The following SIM1 variants were observed in gnomAD, a reference collection of about 807,000 sequenced individuals.
SIM1 encodes the protein single-minded homolog 1.
A neutral mutation model predicts 78.2 loss-of-function variants in SIM1; 18 were observed. That is an observed-to-expected ratio of 0.23 (90% CI 0.16 to 0.34). The LOEUF is 0.34. Ranked by LOEUF, SIM1 falls within the 10% of genes least tolerant of loss-of-function variation. The pLI is 1.00. For missense variants in SIM1, 939 were observed against 975.1 expected (o/e 0.96, Z 0.49); for synonymous variants, 417 against 385.2 (o/e 1.08, Z -0.97).
At chr6:100,421,015 A>T in intron 9 of SIM1, 57 bp from the exon 10 acceptor site, 1 of 1,546,870 alleles carries the variant, frequency 6.5e-7, no homozygotes, top group Non-Finnish European at 8.8e-7. Flanking sequence ...GGATTCATGC[A>T]TACTCTCATC....
intron 10 of SIM1, among the ~76,000 whole-genome samples, chr6:100,403,587 C>T (rs935444476): frequency 6.6e-6 from 1 of 152,104 alleles, no homozygotes; most frequent in Non-Finnish European, 1.5e-5. Flanking sequence ...CTTTAATACA[C>T]TTTAGAAAAG....
At chr6:100,422,257 G>A (rs980201243) in intron 9 of SIM1, among the ~76,000 whole-genome samples, 1 of 152,088 alleles carries the variant, frequency 6.6e-6, no homozygotes, top group Non-Finnish European at 1.5e-5. Context: ...AGGCTGGAGT[G>A]CAGTGGCATG....
At chr6:100,458,699 G>C (rs191818779) in intron 2 of SIM1, among the ~76,000 whole-genome samples, 1 of 152,166 alleles carries the variant, frequency 6.6e-6, no homozygotes, top group Non-Finnish European at 1.5e-5. Flanking sequence ...CGTGCTTCGG[G>C]CGGTGCGGGA....
chr6:100,452,373 G>C (rs146200018), intron 3 of SIM1, among the ~76,000 whole-genome samples: 1 of 152,330 alleles, frequency 6.6e-6, no homozygotes, highest in Non-Finnish European at 1.5e-5. Flanking sequence ...AACTCCATGA[G>C]AGCAGGGCTT....
chr6:100,390,800 C>A lies in SIM1; in HGVS notation c.1862G>T (p.Gly621Val). 4.3e-6 allele frequency: 7 copies of A among 1,614,112 alleles called. No homozygotes were observed. Among genetic ancestry groups the A allele is most frequent in the Non-Finnish European group, 5.9e-6 (7 of 1,180,012 alleles). The change falls in exon 12 of 12, where the codon GGC becomes GTC. Residue 621 changes from glycine to valine, a missense_variant. This residue lies in a region of SIM1 where 556 missense variants were observed against 521.9 expected (regional missense o/e 1.07). Transcript: ENST00000369208. ...TGGTGAAGTGTTGGCAAGAGCAGAG[C>A]CATGGCAGACTTCACCTGTTGGTGG... ...QPPPTGEVCHGSALANTSPCD... is the reference protein window; with the variant it reads ...QPPPTGEVCHVSALANTSPCD...
At chr6:100,409,488 ACT>A (rs1771138819) in intron 10 of SIM1, among the ~76,000 whole-genome samples, 1 of 151,934 alleles carries the variant, frequency 6.6e-6, no homozygotes, top group Non-Finnish European at 1.5e-5. Flanking sequence ...CAAAAAACCA[ACT>A]CTTACTTCTG....
intron 10 of SIM1, among the ~76,000 whole-genome samples, chr6:100,402,478 G>A (rs984426621): frequency 1.3e-5 from 2 of 151,686 alleles, no homozygotes; most frequent in Non-Finnish European, 2.9e-5. Context: ...TGGCGAGGAG[G>A]GAGAATCATG....
chr6:100,443,610 T>G (rs778394329), intron 9 of SIM1, among the ~76,000 whole-genome samples: 4 of 152,116 alleles, frequency 2.6e-5, no homozygotes, highest in Non-Finnish European at 2.9e-5. Context: ...CGAACATTAG[T>G]GGCAGATTGT....
chr6:100,453,172 G>T (rs1017338821), intron 3 of SIM1, among the ~76,000 whole-genome samples: 5 of 152,178 alleles, frequency 3.3e-5, no homozygotes, highest in Admixed American at 6.5e-5. Flanking sequence ...GCCTAGCATT[G>T]GTTAAACTCA....
chr6:100,445,223 TTCG>T (rs1772325780), intron 9 of SIM1, among the ~76,000 whole-genome samples: 3 of 152,182 alleles, frequency 2.0e-5, no homozygotes, highest in Admixed American at 2.0e-4. Context: ...TTGATGACAT[TTCG>T]TCTAAAGCAA....
chr6:100,450,765 C>T (rs886286193), intron 3 of SIM1, among the ~76,000 whole-genome samples: 2 of 147,894 alleles, frequency 1.4e-5, no homozygotes, highest in African/African-American at 5.0e-5. Context: ...CCTATGTGTT[C>T]TATAATGGAA....
rs370131720 is a variant in SIM1, at chr6:100,393,839, C to G, written c.1218G>C (p.Trp406Cys). ...ERSESDHDSQWGGSPLTDTAS... is the reference protein window; with the variant it reads ...ERSESDHDSQCGGSPLTDTAS... ...CCGTGTCGGTCAAGGGACTTCCGCCCCACTGGCTGTCATGATCAGATTCCG... is the reference window on the plus strand; with the variant it reads ...CCGTGTCGGTCAAGGGACTTCCGCCGCACTGGCTGTCATGATCAGATTCCG... Residue 406 changes from tryptophan (W) to cysteine (C), a missense_variant, in exon 11 of 12, where the codon TGG (tryptophan) becomes TGC (cysteine). Physicochemically the swap from Trp to Cys is radical, Grantham distance 215 (BLOSUM62 -2). This residue lies in a region of SIM1 where 556 missense variants were observed against 521.9 expected (regional missense o/e 1.07). Coordinates refer to ENST00000369208, the MANE Select transcript of SIM1 (RefSeq NM_005068.3). 1.3e-5 allele frequency: 21 copies of G among 1,604,418 alleles called. No homozygotes were observed. Among genetic ancestry groups the G allele is most frequent in the Non-Finnish European group, 1.8e-5 (21 of 1,173,838 alleles).
At chr6:100,461,885 A>G (rs1244487334) in intron 2 of SIM1, among the ~76,000 whole-genome samples, 2 of 38,608 alleles carry the variant, frequency 5.2e-5, no homozygotes, top group Non-Finnish European at 1.1e-4. Flanking sequence ...TTAGGCTTTC[A>G]TTTCTTTTTT....
chr6:100,431,405 T>C (rs1771895456), intron 9 of SIM1, among the ~76,000 whole-genome samples: 2 of 152,198 alleles, frequency 1.3e-5, no homozygotes, highest in South Asian at 4.1e-4. Context: ...TGGCTAAATA[T>C]ACATTAAACT....
chr6:100,438,879 A>T (rs566435746), intron 9 of SIM1, among the ~76,000 whole-genome samples: 2 of 152,194 alleles, frequency 1.3e-5, no homozygotes, highest in African/African-American at 2.4e-5. Flanking sequence ...CAAATATCAT[A>T]TGTTCTCAGT....
intron 2 of SIM1, among the ~76,000 whole-genome samples, chr6:100,459,241 A>G (rs1381484468): frequency 6.6e-6 from 1 of 152,202 alleles, no homozygotes. Context: ...TGTTTTTATT[A>G]GTGATCCCTC....
Position 100,442,737 on chromosome 6 carries a change from T to A in SIM1, c.998+4531A>T, listed in dbSNP as rs181229023. Among the ~76,000 whole-genome samples, 889 of 152,172 alleles carry A rather than the reference T, an allele frequency of 5.8e-3. 6 individuals are homozygous for A. The highest frequency in any genetic ancestry group is 0.02 in the African/African-American group (822 of 41,534). ...ATATATGTTATTGGTCAAGTTTTTT[T>A]AAAGCATTCTCTAAAAACTCCTAGT... On this transcript the variant is annotated intron_variant, in intron 9 of 11. Coordinates refer to ENST00000369208, the MANE Select transcript of SIM1 (RefSeq NM_005068.3).
At chr6:100,436,151 G>A (rs1008537192) in intron 9 of SIM1, among the ~76,000 whole-genome samples, 1 of 152,094 alleles carries the variant, frequency 6.6e-6, no homozygotes, top group Non-Finnish European at 1.5e-5. Context: ...GGTGCTTTAG[G>A]CCCTCTTCCT....
In SIM1 at chr6:100,426,899, A is replaced by T. The variant is rs79320728; in HGVS notation, c.999-5941T>A. Reference sequence around the variant, plus strand: ...GGTTGCCAGATTTCCCGATTGAGCTATTTTTTTAAACAGCTGAAGGTGATC... The same window carrying T: ...GGTTGCCAGATTTCCCGATTGAGCTTTTTTTTTAAACAGCTGAAGGTGATC... On this transcript the variant is annotated intron_variant, in intron 9 of 11. Coordinates refer to ENST00000369208, the MANE Select transcript of SIM1 (RefSeq NM_005068.3). 2.5e-3 allele frequency among the ~76,000 whole-genome samples: 379 copies of T among 152,266 alleles called. 4 individuals are homozygous for T. Among genetic ancestry groups the T allele is most frequent in the East Asian group, 0.01 (53 of 5,174 alleles).
Sources: allele counts gnomAD v4.1 joint callset (sites outside exome capture counted in the v4.1 genomes callset), GRCh38; gene constraint gnomAD v4.1.1; regional missense constraint gnomAD v4.1.1; transcripts MANE v1.5; gene names NCBI Gene and HGNC (gene_info 2026-07-23, HGNC 2026-07-21).